The following SPMIP10 variants were observed in gnomAD, a reference collection of about 807,000 sequenced individuals.
SPMIP10 encodes the protein sperm microtubule inner protein 10.
chr5:126,634,339 G>A, the SPMIP10 span, among the ~76,000 whole-genome samples: 18 of 152,296 alleles, frequency 1.2e-4, no homozygotes, highest in South Asian at 3.7e-3. Flanking sequence ...GGCTGAGGCA[G>A]GAGAATCGCT....
At chr5:126,631,806 T>C in the SPMIP10 span, 1 of 1,606,168 alleles carries the variant, frequency 6.2e-7, no homozygotes, top group East Asian at 2.2e-5. Flanking sequence ...AGAGTCTCTA[T>C]AAATCTGCTA....
the SPMIP10 span, chr5:126,631,804 T>C: frequency 6.2e-6 from 10 of 1,607,874 alleles, no homozygotes; most frequent in Non-Finnish European, 8.5e-6. Context: ...TGAGAGTCTC[T>C]ATAAATCTGC....
chr5:126,635,520 C>A, the SPMIP10 span, among the ~76,000 whole-genome samples: 1 of 152,132 alleles, frequency 6.6e-6, no homozygotes, highest in African/African-American at 2.4e-5. Context: ...TAAAGTTCAA[C>A]AATCTGCCTC....
At chr5:126,633,608 C>T in the SPMIP10 span, among the ~76,000 whole-genome samples, 1 of 152,128 alleles carries the variant, frequency 6.6e-6, no homozygotes, top group South Asian at 2.1e-4. Context: ...AATCCTACTG[C>T]CTCGGCCTTC....
At chr5:126,634,642 C>T in the SPMIP10 span, among the ~76,000 whole-genome samples, 1 of 152,234 alleles carries the variant, frequency 6.6e-6, no homozygotes, top group East Asian at 1.9e-4. Flanking sequence ...CATCAAAACA[C>T]TTATTCTTGA....
chr5:126,632,699 A>C, the SPMIP10 span: 3 of 1,172,760 alleles, frequency 2.6e-6, no homozygotes, highest in Non-Finnish European at 3.8e-6. Context: ...CAAAAACAAA[A>C]ACATTAAGCC....
the SPMIP10 span, among the ~76,000 whole-genome samples, chr5:126,633,825 G>A: frequency 2.6e-5 from 4 of 151,770 alleles, no homozygotes; most frequent in Admixed American, 6.6e-5. Flanking sequence ...CACCATGCCC[G>A]GAGAGTTTTG....
At chr5:126,634,340 G>A in the SPMIP10 span, among the ~76,000 whole-genome samples, 3 of 152,186 alleles carry the variant, frequency 2.0e-5, no homozygotes, top group Non-Finnish European at 4.4e-5. Flanking sequence ...GCTGAGGCAG[G>A]AGAATCGCTT....
the SPMIP10 span, among the ~76,000 whole-genome samples, chr5:126,633,812 T>A: frequency 6.6e-6 from 1 of 152,030 alleles, no homozygotes; most frequent in African/African-American, 2.4e-5. Context: ...TACAGGCACA[T>A]GCCACCATGC....
chr5:126,632,378 C>T, the SPMIP10 span, among the ~76,000 whole-genome samples: 4 of 149,422 alleles, frequency 2.7e-5, no homozygotes, highest in African/African-American at 9.8e-5. Context: ...CTTGCTGATA[C>T]ATGGGTACTT....
the SPMIP10 span, among the ~76,000 whole-genome samples, chr5:126,633,126 CTG>C: frequency 6.6e-6 from 1 of 150,968 alleles, no homozygotes; most frequent in Non-Finnish European, 1.5e-5. Context: ...ATAGTAATAT[CTG>C]TTTAAATAAC....
At chr5:126,632,680 G>GA in the SPMIP10 span, 403 of 1,387,290 alleles carry the variant, frequency 2.9e-4, no homozygotes, top group African/African-American at 5.5e-4. Context: ...CACACATAAG[G>GA]AAAAAAAACA....
the SPMIP10 span, among the ~76,000 whole-genome samples, chr5:126,635,470 G>A: frequency 6.6e-6 from 1 of 151,894 alleles, no homozygotes; most frequent in African/African-American, 2.4e-5. Flanking sequence ...GAGTCTTCTG[G>A]GAGTAAATGA....
the SPMIP10 span, among the ~76,000 whole-genome samples, chr5:126,635,816 C>T: frequency 4.7e-5 from 7 of 150,522 alleles, no homozygotes; most frequent in African/African-American, 9.9e-5. Flanking sequence ...ACGCGTGCCA[C>T]GACACCCACC....
chr5:126,635,462 G>C, the SPMIP10 span, among the ~76,000 whole-genome samples: 1 of 152,014 alleles, frequency 6.6e-6, no homozygotes, highest in African/African-American at 2.4e-5. Flanking sequence ...AAAAAGCTGA[G>C]TCTTCTGGGA....
chr5:126,632,499 G>T, the SPMIP10 span: 14 of 1,070,164 alleles, frequency 1.3e-5, no homozygotes, highest in East Asian at 2.1e-4. Flanking sequence ...ATGCTAAAAT[G>T]ATTGTATTTG....
chr5:126,632,999 T>C, the SPMIP10 span, among the ~76,000 whole-genome samples: 1 of 106,786 alleles, frequency 9.4e-6, no homozygotes, highest in South Asian at 2.6e-4. Context: ...AATAAATAAA[T>C]AAATTTTACA....
chr5:126,632,742 C>A, the SPMIP10 span: 1 of 765,090 alleles, frequency 1.3e-6, no homozygotes, highest in Non-Finnish European at 2.2e-6. Context: ...AATCCTAGCA[C>A]TTTGGGAGAC....
chr5:126,633,082 G>A, the SPMIP10 span, among the ~76,000 whole-genome samples: 2 of 144,230 alleles, frequency 1.4e-5, no homozygotes, highest in Non-Finnish European at 3.0e-5. Flanking sequence ...AAACTATTTT[G>A]ATGTACTGTC....
Sources: gnomAD v4.1 joint callset for allele counts (sites outside exome capture counted in the v4.1 genomes callset) on GRCh38, gnomAD v4.1.1 for gene constraint, MANE v1.5 for transcripts, NCBI Gene and HGNC (gene_info 2026-07-23, HGNC 2026-07-21) for gene names.